Variants in MYO6 observed in about 807,000 individuals in gnomAD.
MYO6 encodes the protein unconventional myosin-VI.
A neutral mutation model predicts 178.7 loss-of-function variants in MYO6; 74 were observed. That is an observed-to-expected ratio of 0.41 (90% CI 0.34 to 0.50). MYO6 has a LOEUF of 0.50. Among genes scored for constraint, MYO6 ranks in the 20% least tolerant of loss-of-function variants. The pLI is 0.09. For synonymous variants in MYO6, 477 were observed against 504.6 expected (o/e 0.95, Z 0.73); for missense variants, 1,330 against 1,547.4 (o/e 0.86, Z 2.36).
intron 7 of MYO6, among the ~76,000 whole-genome samples, chr6:75,838,602 G>A (rs558900039): frequency 1.3e-5 from 2 of 150,098 alleles, no homozygotes; most frequent in Non-Finnish European, 3.0e-5. Context: ...TCCTCTTTTT[G>A]TTAACACAGC....
chr6:75,767,494 C>T (rs1014482477), intron 1 of MYO6, among the ~76,000 whole-genome samples: 1 of 147,392 alleles, frequency 6.8e-6, no homozygotes, highest in South Asian at 2.2e-4. Flanking sequence ...GTATATGGTT[C>T]ATAAATACAC....
chr6:75,794,379 G>A (rs1180955967), intron 1 of MYO6, among the ~76,000 whole-genome samples: 1 of 152,156 alleles, frequency 6.6e-6, no homozygotes, highest in Non-Finnish European at 1.5e-5. Flanking sequence ...GAAGTTTAGG[G>A]CACCCAGGAT....
intron 1 of MYO6, among the ~76,000 whole-genome samples, chr6:75,761,633 A>T (rs983707595): frequency 6.8e-6 from 1 of 148,090 alleles, no homozygotes; most frequent in African/African-American, 2.5e-5. Flanking sequence ...ACACAGACAC[A>T]TTTTTTTTTT....
intron 1 of MYO6, among the ~76,000 whole-genome samples, chr6:75,786,295 CTG>C (rs2150068689): frequency 6.6e-6 from 1 of 152,282 alleles, no homozygotes; most frequent in African/African-American, 2.4e-5. Context: ...TATTACCACA[CTG>C]TTTTATTGTG....
chr6:75,901,894 G>A (rs1384570395), intron 30 of MYO6, among the ~76,000 whole-genome samples: 9 of 152,254 alleles, frequency 5.9e-5, no homozygotes, highest in East Asian at 1.9e-4. Context: ...TTTCAAATAC[G>A]TCCCATCAAT....
chr6:75,761,354 T>C (rs558668801), intron 1 of MYO6, among the ~76,000 whole-genome samples: 1 of 152,170 alleles, frequency 6.6e-6, no homozygotes, highest in Non-Finnish European at 1.5e-5. Flanking sequence ...AGTTTGACCA[T>C]ATGACCAGCT....
intron 1 of MYO6, among the ~76,000 whole-genome samples, chr6:75,807,152 A>G (rs1401104961): frequency 6.6e-6 from 1 of 152,176 alleles, no homozygotes; most frequent in Non-Finnish European, 1.5e-5. Context: ...TTTTAAAAAC[A>G]TTGTTTTATT....
At chr6:75,749,541 C>G (rs535272380) in intron 1 of MYO6, 118 bp downstream of exon 1, 3 of 152,378 alleles carry the variant, frequency 2.0e-5, no homozygotes, top group African/African-American at 7.2e-5. Context: ...GTTCACTGCC[C>G]GAGGACGCGG....
intron 1 of MYO6, among the ~76,000 whole-genome samples, chr6:75,779,508 A>G (rs1302743751): frequency 6.6e-6 from 1 of 152,162 alleles, no homozygotes; most frequent in East Asian, 1.9e-4. Flanking sequence ...TCTGAAAAAA[A>G]AAAAATTCTT....
chr6:75,904,348 G>A (rs1194069544), intron 30 of MYO6, among the ~76,000 whole-genome samples: 5 of 151,622 alleles, frequency 3.3e-5, no homozygotes, highest in African/African-American at 9.7e-5. Flanking sequence ...CATTCTCCCC[G>A]TCACTTTCAG....
chr6:75,775,819 A>C (rs1431627033), intron 1 of MYO6, among the ~76,000 whole-genome samples: 1 of 152,190 alleles, frequency 6.6e-6, no homozygotes, highest in Admixed American at 6.5e-5. Context: ...AGGGATGGAA[A>C]GTGGCTTTTT....
At chr6:75,793,529 G>A (rs543959780) in intron 1 of MYO6, among the ~76,000 whole-genome samples, 8 of 152,000 alleles carry the variant, frequency 5.3e-5, no homozygotes, top group South Asian at 2.1e-4. Context: ...GCTTGAATCC[G>A]GGAGGCAGAG....
intron 1 of MYO6, among the ~76,000 whole-genome samples, chr6:75,783,717 A>G (rs1032402424): frequency 3.3e-5 from 5 of 152,152 alleles, no homozygotes; most frequent in Non-Finnish European, 7.3e-5. Flanking sequence ...GGATCCACCT[A>G]TCATTTTGAT....
At position 75,919,118 on chromosome 6, in the gene MYO6, T is replaced by G. The variant is rs1781293296; in HGVS notation, c.*4106T>G. The G allele has an allele frequency of 7.5e-6, 1 of 133,176 alleles. No homozygotes were observed. Among genetic ancestry groups the G allele is most frequent in the African/African-American group, 2.6e-5 (1 of 38,416 alleles). 8.2% of individuals were successfully genotyped at this position (133,176 alleles called of 1,614,324 possible). A position where few individuals can be genotyped will look rare whatever the true frequency, so the allele number is the denominator to read the frequency against. On this transcript the variant is annotated 3_prime_UTR_variant, in exon 35 of 35. Coordinates refer to ENST00000369977, the MANE Select transcript of MYO6 (RefSeq NM_004999.4). ...TGGGCAACAAGAGCGAAATTCCATC[T>G]CAAAAAATAAAATAGATTTAGGGGG...
At chr6:75,911,592 G>T in intron 32 of MYO6, 80 bp from the exon 33 acceptor site, 1 of 1,244,156 alleles carries the variant, frequency 8.0e-7, no homozygotes, top group Non-Finnish European at 1.2e-6. Flanking sequence ...TCGATTGGAA[G>T]GCTTTATAAA....
Position 75,915,915 on chromosome 6 carries a change from T to C in MYO6, c.*903T>C, listed in dbSNP as rs45521636. On this transcript the variant is annotated 3_prime_UTR_variant, in exon 35 of 35. Transcript: ENST00000369977. ...AGTTGTTTCATTGATTTAGTAAGTG[T>C]TCTGCTTCCAACATCTTTCTTTTTA... 22 of 152,778 alleles carry C rather than the reference T, an allele frequency of 1.4e-4. No homozygotes were observed. The highest frequency in any genetic ancestry group is 4.6e-4 in the African/African-American group (19 of 41,594). The allele number at this position is 152,778 out of a possible 1,614,324, so 9.5% of individuals were successfully genotyped here. A position where few individuals can be genotyped will look rare whatever the true frequency, so the allele number is the denominator to read the frequency against.
chr6:75,808,525 G>C (rs776273030), intron 1 of MYO6, among the ~76,000 whole-genome samples: 6 of 152,088 alleles, frequency 3.9e-5, no homozygotes, highest in Non-Finnish European at 7.4e-5. Flanking sequence ...TATGAATTTG[G>C]GGGGAACAAA....
At chr6:75,753,689 C>T (rs372576311) in intron 1 of MYO6, among the ~76,000 whole-genome samples, 10 of 152,092 alleles carry the variant, frequency 6.6e-5, no homozygotes, top group African/African-American at 2.4e-4. Context: ...TCTTGAACTC[C>T]TGAGCTCAGA....
chr6:75,880,207 G>A, intron 22 of MYO6, 87 bp downstream of exon 22: 1 of 1,003,020 alleles, frequency 1.0e-6, no homozygotes, highest in Non-Finnish European at 1.5e-6. Context: ...TTAATAATTT[G>A]TATTATTCTT....
Sources: allele counts gnomAD v4.1 joint callset (sites outside exome capture counted in the v4.1 genomes callset), GRCh38; gene constraint gnomAD v4.1.1; transcripts MANE v1.5; gene names NCBI Gene and HGNC (gene_info 2026-07-23, HGNC 2026-07-21).